The following PPM1E variants were observed in gnomAD, a reference collection of about 807,000 sequenced individuals.
PPM1E encodes protein phosphatase, Mg2+/Mn2+ dependent 1E.
In PPM1E, 20 loss-of-function variants were observed where a neutral mutation model predicts 65.9. The observed-to-expected ratio is 0.30, with a 90% CI of 0.21 to 0.44. The LOEUF is 0.44. Among genes scored for constraint, PPM1E ranks in the 20% least tolerant of loss-of-function variants. PPM1E has a pLI of 1.00. For missense variants in PPM1E, 713 were observed against 953.1 expected (o/e 0.75, Z 3.32); for synonymous variants, 352 against 374.9 (o/e 0.94, Z 0.70).
intron 1 of PPM1E, among the ~76,000 whole-genome samples, chr17:58,877,058 C>T (rs1253412105): frequency 6.6e-6 from 1 of 152,234 alleles, no homozygotes; most frequent in African/African-American, 2.4e-5. Flanking sequence ...GCTGGGATTA[C>T]AGGCGTGAGC....
At chr17:58,778,520 G>A (rs1270084711) in intron 1 of PPM1E, among the ~76,000 whole-genome samples, 3 of 143,654 alleles carry the variant, frequency 2.1e-5, no homozygotes, top group Non-Finnish European at 4.5e-5. Flanking sequence ...AGCAGTTCTC[G>A]TGCCTCAGCC....
chr17:58,931,656 T>C (rs1040137230), intron 1 of PPM1E, among the ~76,000 whole-genome samples: 2 of 152,160 alleles, frequency 1.3e-5, no homozygotes, highest in African/African-American at 4.8e-5. Context: ...AGAATTCTCC[T>C]CAGTATATTT....
intron 1 of PPM1E, among the ~76,000 whole-genome samples, chr17:58,879,702 G>T (rs1337968552): frequency 6.6e-6 from 1 of 151,676 alleles, no homozygotes; most frequent in East Asian, 1.9e-4. Flanking sequence ...GTAGAGACGG[G>T]GTTTCACCAT....
At chr17:58,880,867 A>AT (rs952218828) in intron 1 of PPM1E, among the ~76,000 whole-genome samples, 6 of 151,438 alleles carry the variant, frequency 4.0e-5, no homozygotes, top group Non-Finnish European at 5.9e-5. Context: ...AGCTCAAGCA[A>AT]TTTTTTTTTA....
At chr17:58,825,421 A>G (rs147112759) in intron 1 of PPM1E, among the ~76,000 whole-genome samples, 2 of 152,146 alleles carry the variant, frequency 1.3e-5, no homozygotes, top group African/African-American at 4.8e-5. Flanking sequence ...ATTAAAAACA[A>G]ACAAAAACTT....
chr17:58,823,438 AT>A (rs2143144922), intron 1 of PPM1E, among the ~76,000 whole-genome samples: 1 of 152,328 alleles, frequency 6.6e-6, no homozygotes, highest in East Asian at 1.9e-4. Context: ...CAAAGACCTT[AT>A]TTATGATTAG....
At chr17:58,974,904 A>G (rs1437235192) in intron 6 of PPM1E, among the ~76,000 whole-genome samples, 1 of 152,210 alleles carries the variant, frequency 6.6e-6, no homozygotes, top group Non-Finnish European at 1.5e-5. Context: ...ATACCTCCTG[A>G]AAAATTGAGA....
chr17:58,933,747 G>T (rs902658228), intron 1 of PPM1E, among the ~76,000 whole-genome samples: 1 of 149,072 alleles, frequency 6.7e-6, no homozygotes, highest in Non-Finnish European at 1.5e-5. Flanking sequence ...AGTGAGCCGA[G>T]ATCGCACCAT....
intron 1 of PPM1E, chr17:58,785,487 T>TATATATATATAGATAGATAG (rs1555609827): frequency 7.6e-6 from 1 of 132,210 alleles, no homozygotes; most frequent in African/African-American, 2.8e-5. Flanking sequence ...TATATATATA[T>TATATATATATAGATAGATAG]ATAGTAGAAC....
At chr17:58,846,545 T>C (rs1432023100) in intron 1 of PPM1E, among the ~76,000 whole-genome samples, 2 of 152,142 alleles carry the variant, frequency 1.3e-5, no homozygotes, top group Non-Finnish European at 2.9e-5. Flanking sequence ...CTTGCAATAG[T>C]TTGCTCAGAA....
At chr17:58,830,840 A>G (rs1486229383) in intron 1 of PPM1E, among the ~76,000 whole-genome samples, 4 of 151,274 alleles carry the variant, frequency 2.6e-5, no homozygotes, top group African/African-American at 9.7e-5. Context: ...GTGTGCCACC[A>G]TGCCTGGCTG....
intron 1 of PPM1E, among the ~76,000 whole-genome samples, chr17:58,895,227 C>CCCAT (rs1310063505): frequency 6.6e-6 from 1 of 152,128 alleles, no homozygotes; most frequent in African/African-American, 2.4e-5. Flanking sequence ...TGGCTGTTTC[C>CCCAT]CCATCCCTCT....
chr17:58,903,206 A>G (rs1435000511), intron 1 of PPM1E, among the ~76,000 whole-genome samples: 1 of 152,176 alleles, frequency 6.6e-6, no homozygotes, highest in East Asian at 1.9e-4. Context: ...AAGCTTGGAC[A>G]TGAGAGTCTC....
chr17:58,853,548 C>G (rs889434615), intron 1 of PPM1E, among the ~76,000 whole-genome samples: 1 of 152,262 alleles, frequency 6.6e-6, no homozygotes, highest in Non-Finnish European at 1.5e-5. Flanking sequence ...GAAAGTGTGG[C>G]TGGGCTTGGT....
intron 1 of PPM1E, among the ~76,000 whole-genome samples, chr17:58,818,655 G>A (rs945678502): frequency 6.6e-6 from 1 of 152,156 alleles, no homozygotes; most frequent in Non-Finnish European, 1.5e-5. Context: ...ATGAGCCAAT[G>A]ATAATTAGAT....
Position 58,955,746 on chromosome 17 carries a change from G to A in PPM1E, c.562G>A (p.Asp188Asn). The change falls in exon 2 of 7, where the codon GAT becomes AAT. Residue 188 changes from aspartate (D) to asparagine (N), a missense_variant. Coordinates refer to ENST00000308249, the MANE Select transcript of PPM1E (RefSeq NM_014906.5). The part of the protein sequence containing the change: ...LSAHYIPKET[D>N]GTEGTVEIET... ...TGCACATTATATCCCAAAGGAAACG[G>A]ATGGCACAGAAGGGACTGTGGGTGA... 1 of 1,610,286 alleles carries A rather than the reference G, an allele frequency of 6.2e-7. No individual in the cohort carries two copies. The highest frequency in any genetic ancestry group is 8.5e-7 in the Non-Finnish European group (1 of 1,179,150).
intron 1 of PPM1E, among the ~76,000 whole-genome samples, chr17:58,767,917 C>G (rs1316351278): frequency 6.6e-6 from 1 of 151,374 alleles, no homozygotes; most frequent in Non-Finnish European, 1.5e-5. Flanking sequence ...GCTGGGATTA[C>G]AGGTGTGAGC....
chr17:58,786,894 C>G (rs1459963950), intron 1 of PPM1E, among the ~76,000 whole-genome samples: 1 of 152,110 alleles, frequency 6.6e-6, no homozygotes, highest in African/African-American at 2.4e-5. Context: ...TGTGCATAAG[C>G]TATTAGCTTT....
chr17:58,947,298 G>T (rs376784078), intron 1 of PPM1E, among the ~76,000 whole-genome samples: 54 of 135,316 alleles, frequency 4.0e-4, no homozygotes, highest in African/African-American at 1.3e-3. Flanking sequence ...GTGCAGTGAC[G>T]TGATCTCAGC....
Sources: gnomAD v4.1 joint callset for allele counts (sites outside exome capture counted in the v4.1 genomes callset) on GRCh38, gnomAD v4.1.1 for gene constraint, MANE v1.5 for transcripts, NCBI Gene and HGNC (gene_info 2026-07-23, HGNC 2026-07-21) for gene names.